The following ACTR3C variants were observed in gnomAD, a reference collection of about 807,000 sequenced individuals.
ACTR3C encodes the protein actin related protein 3C.
ACTR3C carries 18 observed loss-of-function variants against 26.3 expected under a neutral mutation model. The observed-to-expected ratio is 0.68, with a 90% CI of 0.47 to 1.01. ACTR3C has a LOEUF of 1.01. Ranked by LOEUF, ACTR3C falls within the 50% of genes least tolerant of loss-of-function variation. The probability of loss-of-function intolerance (pLI) is 0.00; values close to 1 mark genes in which losing one functional copy is unlikely to be tolerated. For synonymous variants in ACTR3C, 55 were observed against 94.5 expected (o/e 0.58, Z 2.42); for missense variants, 184 against 250.7 (o/e 0.73, Z 1.80).
chr7:150,132,665 G>A, the ACTR3C span, among the ~76,000 whole-genome samples: 21,738 of 152,068 alleles, frequency 0.14, 1,895 homozygotes, highest in African/African-American at 0.32. Context: ...CAGTGGGAGT[G>A]TATGATAATC....
the ACTR3C span, among the ~76,000 whole-genome samples, chr7:150,057,845 T>A: frequency 6.6e-6 from 1 of 152,234 alleles, no homozygotes. Context: ...ATTTCTTGAA[T>A]CAATTTTCAC....
At chr7:150,115,022 T>G in the ACTR3C span, among the ~76,000 whole-genome samples, 1 of 152,138 alleles carries the variant, frequency 6.6e-6, no homozygotes, top group South Asian at 2.1e-4. Flanking sequence ...AAAGTTCATT[T>G]CTCCATCCAT....
the ACTR3C span, among the ~76,000 whole-genome samples, chr7:150,125,015 G>C: frequency 6.6e-6 from 1 of 152,168 alleles, no homozygotes; most frequent in African/African-American, 2.4e-5. Context: ...CACGCTTTTT[G>C]ACTTCAAAGT....
At chr7:150,287,220 C>A (rs1268293498) in intron 4 of ACTR3C, among the ~76,000 whole-genome samples, 1 of 151,642 alleles carries the variant, frequency 6.6e-6, no homozygotes, top group Non-Finnish European at 1.5e-5. Context: ...CACACAGATC[C>A]CTGCCAAGAT....
chr7:149,915,922 A>C, the ACTR3C span, among the ~76,000 whole-genome samples: 3 of 151,240 alleles, frequency 2.0e-5, no homozygotes, highest in Non-Finnish European at 4.4e-5. Flanking sequence ...ACATCCATTC[A>C]ATAAAATTCT....
chr7:150,166,369 T>C, the ACTR3C span, among the ~76,000 whole-genome samples: 125 of 151,140 alleles, frequency 8.3e-4, 9 homozygotes, highest in African/African-American at 2.7e-3. Context: ...ATACTTCAAA[T>C]CATTTCTTCC....
At chr7:149,970,007 G>A in the ACTR3C span, among the ~76,000 whole-genome samples, 1 of 152,086 alleles carries the variant, frequency 6.6e-6, no homozygotes, top group African/African-American at 2.4e-5. Flanking sequence ...GGGTTTAGAA[G>A]TGAAGAAAAT....
At chr7:150,227,878 G>C in the ACTR3C span, among the ~76,000 whole-genome samples, 1 of 151,166 alleles carries the variant, frequency 6.6e-6, no homozygotes, top group Admixed American at 6.6e-5. Context: ...TTAAATATAT[G>C]CTGTCTTGAT....
At chr7:150,011,935 T>C in the ACTR3C span, among the ~76,000 whole-genome samples, 4,323 of 152,318 alleles carry the variant, frequency 0.028, 102 homozygotes, top group Non-Finnish European at 0.043. Flanking sequence ...ATTTAAGAGA[T>C]GTCAGAAGAC....
the ACTR3C span, among the ~76,000 whole-genome samples, chr7:149,979,333 G>A: frequency 6.6e-6 from 1 of 152,130 alleles, no homozygotes; most frequent in Non-Finnish European, 1.5e-5. Flanking sequence ...CGCATTGTCA[G>A]GACTAAACAT....
the ACTR3C span, among the ~76,000 whole-genome samples, chr7:150,180,565 T>G: frequency 7.1e-6 from 1 of 141,194 alleles, no homozygotes; most frequent in Non-Finnish European, 1.5e-5. Flanking sequence ...CAGGCTGGAG[T>G]GCAGTGGCGC....
chr7:150,156,290 A>G, the ACTR3C span, among the ~76,000 whole-genome samples: 1 of 152,142 alleles, frequency 6.6e-6, no homozygotes, highest in Non-Finnish European at 1.5e-5. Flanking sequence ...TAGGCTGGCC[A>G]TGTGTTTAAA....
the ACTR3C span, among the ~76,000 whole-genome samples, chr7:150,199,826 G>A: frequency 2.7e-5 from 4 of 147,858 alleles, no homozygotes; most frequent in Admixed American, 2.0e-4. Flanking sequence ...ATTTCACAAT[G>A]TATGCATATA....
At chr7:150,073,793 C>T in the ACTR3C span, 4 of 151,888 alleles carry the variant, frequency 2.6e-5, no homozygotes, top group Non-Finnish European at 4.4e-5. Context: ...AGAATATTAC[C>T]GAATTCATTA....
chr7:150,124,309 G>A, the ACTR3C span, among the ~76,000 whole-genome samples: 14 of 152,242 alleles, frequency 9.2e-5, no homozygotes, highest in South Asian at 2.3e-3. Context: ...TTAAACGTAC[G>A]AGTGCAGTTT....
At chr7:150,069,237 T>C in the ACTR3C span, among the ~76,000 whole-genome samples, 3 of 152,208 alleles carry the variant, frequency 2.0e-5, no homozygotes. Context: ...GGGCAGCTGT[T>C]TTTTAGTGAG....
At chr7:150,119,678 G>A in the ACTR3C span, among the ~76,000 whole-genome samples, 1 of 152,102 alleles carries the variant, frequency 6.6e-6, no homozygotes, top group Non-Finnish European at 1.5e-5. Flanking sequence ...AGATCAAGGA[G>A]ACATAAAATT....
chr7:150,294,220 T>C (rs1836536940), intron 2 of ACTR3C, among the ~76,000 whole-genome samples: 1 of 152,144 alleles, frequency 6.6e-6, no homozygotes, highest in Non-Finnish European at 1.5e-5. Flanking sequence ...ATTTTCTTCG[T>C]CGGGGCGGGG....
At chr7:149,920,518 C>T in the ACTR3C span, among the ~76,000 whole-genome samples, 1 of 151,858 alleles carries the variant, frequency 6.6e-6, no homozygotes, top group Non-Finnish European at 1.5e-5. Flanking sequence ...TTGCTATGTT[C>T]CCCAGGCTGG....
Sources: allele counts gnomAD v4.1 joint callset (sites outside exome capture counted in the v4.1 genomes callset), GRCh38; gene constraint gnomAD v4.1.1; transcripts MANE v1.5; gene names NCBI Gene and HGNC (gene_info 2026-07-23, HGNC 2026-07-21).